KMT2A: variants seen among roughly 807,000 people sequenced by gnomAD.
The protein encoded by KMT2A is histone-lysine N-methyltransferase 2A.
KMT2A carries 16 observed loss-of-function variants against 345.3 expected under a neutral mutation model. The ratio of observed to expected loss-of-function variants is 0.05; its 90% CI spans 0.03 to 0.07. KMT2A has a LOEUF of 0.07. Among genes scored for constraint, KMT2A ranks in the 10% least tolerant of loss-of-function variants. The probability of loss-of-function intolerance (pLI) is 1.00; values close to 1 mark genes in which losing one functional copy is unlikely to be tolerated. For synonymous variants in KMT2A, 1,599 were observed against 1,778.6 expected, an observed-to-expected ratio of 0.90 and a Z score of 2.54; for missense variants, 3,272 against 4,841.6, an observed-to-expected ratio of 0.68 and a Z score of 9.62.
At chr11:118,482,780 A>T (rs959511554) in intron 8 of KMT2A, among the ~76,000 whole-genome samples, 3 of 141,684 alleles carry the variant, frequency 2.1e-5, no homozygotes, top group South Asian at 2.2e-4. Flanking sequence ...GAAGAAGAAG[A>T]AGTTAGCCAG....
chr11:118,446,078 G>T (rs983938973), intron 1 of KMT2A, among the ~76,000 whole-genome samples: 1 of 152,054 alleles, frequency 6.6e-6, no homozygotes, highest in African/African-American at 2.4e-5. Context: ...GCCGGGTGGG[G>T]TGGCTCAATC....
At position 118,474,160 on chromosome 11, in the gene KMT2A, C is replaced by T. The variant is rs377066546; in HGVS notation, c.3001C>T (p.His1001Tyr). 1 of 1,614,182 alleles carries T rather than the reference C, an allele frequency of 6.2e-7. No homozygotes were observed. Among genetic ancestry groups the T allele is most frequent in the South Asian group, 1.1e-5 (1 of 91,080 alleles). The change falls in exon 3 of 36, where the codon CAT becomes TAT. Residue 1001 changes from histidine (H) to tyrosine (Y), a missense_variant. By Grantham distance (83) the His-to-Tyr change is moderately conservative (BLOSUM62 2). This residue lies in a region of KMT2A where 39 missense variants were observed against 88.9 expected (regional missense o/e 0.44). Transcript: ENST00000534358. ...CACTCCTTCATCTAGCACTGTTAAA[C>T]ATTCCACTTCCTCCATAGGCTCCAT... is the stretch of plus-strand genomic sequence containing the variant. ...LSTPSSSTVKHSTSSIGSMLA... is the reference protein window; with the variant it reads ...LSTPSSSTVKYSTSSIGSMLA...
intron 5 of KMT2A, among the ~76,000 whole-genome samples, chr11:118,478,807 GT>G (rs1950082099): frequency 6.6e-6 from 1 of 152,018 alleles, no homozygotes; most frequent in Non-Finnish European, 1.5e-5. Flanking sequence ...CCAGGCTGGA[GT>G]GCAGTGACAT....
chr11:118,463,919 A>G (rs1555033470), intron 1 of KMT2A, among the ~76,000 whole-genome samples: 4 of 152,228 alleles, frequency 2.6e-5, no homozygotes, highest in African/African-American at 9.6e-5. Flanking sequence ...AAGAGCCCCT[A>G]TCAGAGCAAC....
chr11:118,457,378 C>T (rs1158035544), intron 1 of KMT2A, among the ~76,000 whole-genome samples: 5 of 150,318 alleles, frequency 3.3e-5, no homozygotes, highest in South Asian at 2.1e-4. Context: ...AGCGATTCTC[C>T]GCCTCAGCCT....
rs782237038 is a variant in KMT2A at position 118,504,674 on chromosome 11, C to A, written c.8782C>A (p.Leu2928Ile). The A allele has an allele frequency of 1.2e-6, 2 of 1,614,186 alleles. No homozygotes were observed. The highest frequency in any genetic ancestry group is 1.7e-6 in the Non-Finnish European group (2 of 1,180,026). Residue 2928 changes from leucine (L) to isoleucine (I), a missense_variant, in exon 27 of 36, where the codon CTA becomes ATA. Leu to Ile is a conservative substitution (Grantham distance 5). Around this residue, in one of 27 missense-constraint regions of KMT2A, gnomAD observed 748 missense variants for 922.2 expected, o/e 0.81. Transcript: ENST00000534358. The surrounding 1 kb of genome is among the most constrained non-coding windows in gnomAD (Gnocchi z 6.4). ...ISAEEQFELP[L>I]ELPSDLSVLT... ...AGCAGAGGAACAGTTTGAGTTGCCT[C>A]TAGAGCTACCATCTGATCTGTCTGT...
In KMT2A at chr11:118,523,457, A is replaced by C; in HGVS notation, c.*1285A>C. ...CTCCTTAGGATGTGGTCAAAACAGC[A>C]TCAAATGTTTCTTCTCTTCCTTTCC... On this transcript the variant is annotated 3_prime_UTR_variant, in exon 36 of 36. Transcript: ENST00000534358. The C allele has an allele frequency of 4.4e-6, 1 of 226,672 alleles. No individual in the cohort carries two copies. Among genetic ancestry groups the C allele is most frequent in the Non-Finnish European group, 8.8e-6 (1 of 113,740 alleles). The allele number at this position is 226,672 out of a possible 1,614,324, so 14.0% of individuals were successfully genotyped here. A position where few individuals can be genotyped will look rare whatever the true frequency, so the allele number is the denominator to read the frequency against.
rs781789564 is a variant in KMT2A at position 118,504,136 on chromosome 11, T to C, written c.8244T>C (p.Gly2748=). ...GCAGCCAGATTCCAAAAAGAAATGG[T>C]AAAGAAAATGGAACAGAGAACTTAA... The part of the protein sequence containing the change: ...RKSSQIPKRN[G]KENGTENLKI... The change falls in exon 27 of 36, where the codon GGT becomes GGC. Residue 2748 remains glycine (G), a synonymous_variant. Coordinates refer to ENST00000534358, the MANE Select transcript of KMT2A (RefSeq NM_001197104.2). This position sits in a 1 kb window ranked among gnomAD's most constrained non-coding sequence, Gnocchi z 6.4. The C allele has an allele frequency of 3.1e-6, 5 of 1,613,922 alleles. No homozygotes were observed. The South Asian group carries it at 5.5e-5, about 18-fold the overall frequency.
In KMT2A at chr11:118,498,004, G is replaced by A. The variant is rs151337923; in HGVS notation, c.5733G>A (p.Ala1911=). Residue 1911 remains alanine, a synonymous_variant, in exon 21 of 36, where the codon GCG becomes GCA. Coordinates refer to ENST00000534358, the MANE Select transcript of KMT2A (RefSeq NM_001197104.2). This position sits in a 1 kb window ranked among gnomAD's most constrained non-coding sequence, Gnocchi z 4.4. ...ATGTAAATTGTGCTTTGTGGTCAGC[G>A]GAAGTGTTTGAAGATGATGACGGAT... The part of the protein sequence containing the change: ...WTHVNCALWS[A]EVFEDDDGSL... 6.4e-5 allele frequency: 104 copies of A among 1,613,960 alleles called. No individual in the cohort carries two copies. The African/African-American group carries it at 1.2e-3, about 18-fold the overall frequency.
chr11:118,471,735 T>A lies in KMT2A; in HGVS notation c.576T>A (p.Asp192Glu). Reference sequence around the variant, plus strand: ...ACCGAAATTCAGCTATCCTCTCAGATCCATCTGTGTTTTCCCCTCTAAATA... The same window carrying A: ...ACCGAAATTCAGCTATCCTCTCAGAACCATCTGTGTTTTCCCCTCTAAATA... ...GSDRNSAILS[D>E]PSVFSPLNKS... The change falls in exon 3 of 36, where the codon GAT becomes GAA. Residue 192 changes from aspartate to glutamate, a missense_variant. This residue lies in a region of KMT2A where 412 missense variants were observed against 511.0 expected (regional missense o/e 0.81). Transcript: ENST00000534358. 2.5e-6 allele frequency: 4 copies of A among 1,612,086 alleles called. No homozygotes were observed. Among genetic ancestry groups the A allele is most frequent in the Non-Finnish European group, 3.4e-6 (4 of 1,179,508 alleles).
At chr11:118,492,507 G>A (rs1209239014) in intron 15 of KMT2A, among the ~76,000 whole-genome samples, 2 of 152,134 alleles carry the variant, frequency 1.3e-5, no homozygotes, top group African/African-American at 2.4e-5. Flanking sequence ...GTGAAACCCC[G>A]TCTCTACTAA....
intron 1 of KMT2A, among the ~76,000 whole-genome samples, chr11:118,462,901 C>A (rs1301754371): frequency 6.6e-6 from 1 of 151,360 alleles, no homozygotes; most frequent in Non-Finnish European, 1.5e-5. Context: ...AAGTACAAGA[C>A]CAGAAGGAAA....
chr11:118,476,834 T>G lies in KMT2A; in HGVS notation c.3186T>G (p.Ser1062=), dbSNP rs1555037624. 8.1e-6 allele frequency: 13 copies of G among 1,612,790 alleles called. No individual in the cohort carries two copies. Among genetic ancestry groups the G allele is most frequent in the Non-Finnish European group, 1.1e-5 (13 of 1,178,860 alleles). Residue 1062 remains serine (S), a synonymous_variant, in exon 4 of 36, where the codon TCT becomes TCG. Coordinates refer to ENST00000534358, the MANE Select transcript of KMT2A (RefSeq NM_001197104.2). This position sits in a 1 kb window ranked among gnomAD's most constrained non-coding sequence, Gnocchi z 4.1. Reference sequence around the variant, plus strand: ...AAGAAAGTGACTCATCAGAGACCTCTGTGCGAGGACCCCGGATTAAACATG... The same window carrying G: ...AAGAAAGTGACTCATCAGAGACCTCGGTGCGAGGACCCCGGATTAAACATG... ...QGQESDSSET[S]VRGPRIKHVC...
chr11:118,513,392 CTT>C (rs1284065947), intron 31 of KMT2A, among the ~76,000 whole-genome samples: 1 of 144,744 alleles, frequency 6.9e-6, no homozygotes. Flanking sequence ...GGAATTTTAA[CTT>C]TTTTTTTTTT....
In KMT2A at chr11:118,509,168, C is replaced by T. The variant is rs142212840; in HGVS notation, c.10868C>T (p.Thr3623Ile). The T allele has an allele frequency of 1.9e-5, 31 of 1,613,564 alleles. No individual in the cohort carries two copies. The highest frequency in any genetic ancestry group is 2.6e-5 in the Non-Finnish European group (31 of 1,179,824). Residue 3623 changes from threonine (T) to isoleucine (I), a missense_variant, in exon 29 of 36, where the codon ACC (threonine) becomes ATC (isoleucine). Around this residue, in one of 27 missense-constraint regions of KMT2A, gnomAD observed 748 missense variants for 922.2 expected, o/e 0.81. Coordinates refer to ENST00000534358, the MANE Select transcript of KMT2A (RefSeq NM_001197104.2). ...GCTGTTCTTCCGGAAGTTCAGGTGA[C>T]CCAAAATCCAGCAAATGAACAAGAA... Reference protein sequence around the residue: ...QVAVLPEVQVTQNPANEQESA... With the variant: ...QVAVLPEVQVIQNPANEQESA...
At position 118,526,098 on chromosome 11, in the gene KMT2A, C is replaced by T. The variant is rs1424664937; in HGVS notation, c.*3926C>T. On this transcript the variant is annotated 3_prime_UTR_variant, in exon 36 of 36. Transcript: ENST00000534358. ...AGGATTGTGTTACAGTTGCTAGTAG[C>T]GGCAGGAAGATGTCAGGCTCACTTT... 5 of 218,358 alleles carry T rather than the reference C, an allele frequency of 2.3e-5. No homozygotes were observed. Among genetic ancestry groups the T allele is most frequent in the Admixed American group, 5.8e-5 (1 of 17,232 alleles). The allele number at this position is 218,358 out of a possible 1,614,324, so 13.5% of individuals were successfully genotyped here. A position where few individuals can be genotyped will look rare whatever the true frequency, so the allele number is the denominator to read the frequency against.
chr11:118,471,522 C>A, intron 2 of KMT2A, 140 bp from the exon 3 acceptor site: 1 of 474,906 alleles, frequency 2.1e-6, no homozygotes, highest in East Asian at 3.3e-5. Flanking sequence ...AAACTAAGCA[C>A]AATTAAGATG....
chr11:118,475,213 CAGTT>C (rs1202774754), intron 3 of KMT2A, among the ~76,000 whole-genome samples: 1 of 151,820 alleles, frequency 6.6e-6, no homozygotes, highest in African/African-American at 2.4e-5. Flanking sequence ...CTATAGAATT[CAGTT>C]AGTTAAGATG....
intron 2 of KMT2A, among the ~76,000 whole-genome samples, chr11:118,470,685 T>C (rs781922324): frequency 2.6e-5 from 4 of 152,220 alleles, no homozygotes; most frequent in Non-Finnish European, 4.4e-5. Context: ...AGCAGTTCCA[T>C]TGTAAAAATG....
Sources: allele counts gnomAD v4.1 joint callset (sites outside exome capture counted in the v4.1 genomes callset), GRCh38; gene constraint gnomAD v4.1.1; regional missense constraint gnomAD v4.1.1; non-coding constraint Gnocchi (gnomAD v3.1); transcripts MANE v1.5; gene names NCBI Gene and HGNC (gene_info 2026-07-23, HGNC 2026-07-21).